CAMK1D: variants seen among roughly 807,000 people sequenced by gnomAD.
CAMK1D encodes the protein calcium/calmodulin-dependent protein kinase type 1D.
A neutral mutation model predicts 47.7 loss-of-function variants in CAMK1D; 9 were observed. The ratio of observed to expected loss-of-function variants is 0.19; its 90% CI spans 0.11 to 0.33. The LOEUF (loss-of-function observed/expected upper bound fraction) is 0.33. Ranked by LOEUF, CAMK1D falls within the 10% of genes least tolerant of loss-of-function variation. The pLI, the probability that CAMK1D is intolerant of heterozygous loss-of-function variation, is 1.00. For synonymous variants in CAMK1D, 184 were observed against 184.9 expected (o/e 0.99, Z 0.04); for missense variants, 291 against 488.7 (o/e 0.60, Z 3.81).
chr10:12,387,425 T>TAA (rs1484681849), intron 1 of CAMK1D, among the ~76,000 whole-genome samples: 1 of 67,170 alleles, frequency 1.5e-5, no homozygotes, highest in Non-Finnish European at 3.0e-5. Context: ...ATTTTATATA[T>TAA]TTTATATATT....
chr10:12,496,068 ATCC>A (rs1313088051), intron 1 of CAMK1D, among the ~76,000 whole-genome samples: 12 of 151,974 alleles, frequency 7.9e-5, no homozygotes, highest in Admixed American at 7.2e-4. Flanking sequence ...AGCTCAAGCA[ATCC>A]TCCTGCCTCG....
intron 2 of CAMK1D, among the ~76,000 whole-genome samples, chr10:12,625,417 C>G (rs1480222960): frequency 1.3e-5 from 2 of 150,322 alleles, no homozygotes; most frequent in East Asian, 2.0e-4. Context: ...TCACTGTAAC[C>G]TTGAACTCTT....
chr10:12,509,810 C>A (rs1448993769), intron 1 of CAMK1D, among the ~76,000 whole-genome samples: 1 of 152,130 alleles, frequency 6.6e-6, no homozygotes, highest in Admixed American at 6.5e-5. Context: ...AAAGTCCTGC[C>A]GTTCTACATA....
intron 1 of CAMK1D, among the ~76,000 whole-genome samples, chr10:12,469,097 G>C (rs1330099780): frequency 6.6e-6 from 1 of 152,092 alleles, no homozygotes; most frequent in African/African-American, 2.4e-5. Context: ...CCCGGATAAA[G>C]AGGAAATGGG....
intron 3 of CAMK1D, among the ~76,000 whole-genome samples, chr10:12,674,495 A>C (rs954226949): frequency 6.6e-6 from 1 of 151,544 alleles, no homozygotes; most frequent in Non-Finnish European, 1.5e-5. Flanking sequence ...TTGCTATTTC[A>C]ATTCTGAGTA....
At chr10:12,371,536 A>G (rs1241613627) in intron 1 of CAMK1D, among the ~76,000 whole-genome samples, 2 of 149,790 alleles carry the variant, frequency 1.3e-5, no homozygotes, top group Non-Finnish European at 3.0e-5. Context: ...AGATCGTGCC[A>G]CTGCACTCCA....
At chr10:12,480,832 C>T (rs1480579281) in intron 1 of CAMK1D, among the ~76,000 whole-genome samples, 1 of 152,118 alleles carries the variant, frequency 6.6e-6, no homozygotes, top group African/African-American at 2.4e-5. Context: ...CACATGGAAA[C>T]GTGTAGATAT....
chr10:12,806,257 A>G (rs1588950985), intron 6 of CAMK1D, among the ~76,000 whole-genome samples: 1 of 152,180 alleles, frequency 6.6e-6, no homozygotes, highest in Admixed American at 6.5e-5. Flanking sequence ...CTGACCCCCA[A>G]CTAGAATGTA....
chr10:12,814,036 G>A (rs747089330), intron 6 of CAMK1D, among the ~76,000 whole-genome samples, 159 bp from the exon 7 acceptor site: 9 of 150,690 alleles, frequency 6.0e-5, no homozygotes, highest in South Asian at 2.1e-4. Flanking sequence ...TGATCTGCCC[G>A]CCTTGGCCTC....
chr10:12,412,754 G>A (rs1377895268), intron 1 of CAMK1D, among the ~76,000 whole-genome samples: 1 of 149,780 alleles, frequency 6.7e-6, no homozygotes, highest in Non-Finnish European at 1.5e-5. Context: ...CCAGTCTTAA[G>A]TTGTAGCAGA....
At chr10:12,600,012 G>C (rs1487607118) in intron 2 of CAMK1D, among the ~76,000 whole-genome samples, 2 of 152,212 alleles carry the variant, frequency 1.3e-5, no homozygotes, top group African/African-American at 4.8e-5. Context: ...GGCTGGGGCA[G>C]GAGGATCACT....
At chr10:12,726,046 G>A (rs944396797) in intron 3 of CAMK1D, among the ~76,000 whole-genome samples, 3 of 151,674 alleles carry the variant, frequency 2.0e-5, no homozygotes, top group Admixed American at 6.6e-5. Context: ...CATGAGCCAC[G>A]TCACCCGGCC....
intron 2 of CAMK1D, chr10:12,578,613 C>G (rs183284708): frequency 2.0e-5 from 3 of 147,902 alleles, no homozygotes; most frequent in African/African-American, 7.6e-5. Context: ...TGTAGTCTCT[C>G]TAGTTTGCCC....
At position 12,480,545 on chromosome 10, in the gene CAMK1D, G is replaced by A. The variant is rs1834035250; in HGVS notation, c.93-72680G>A. Among the ~76,000 whole-genome samples the A allele has an allele frequency of 2.0e-5, 3 of 152,344 alleles. No homozygotes were observed. In the South Asian group the frequency reaches 6.2e-4, roughly 32 times the overall value. ...AGCAATCCCTTTGATAGCACTTGCTGTGTGTCCGTTAGGGTCTAACCACTT... is the reference window on the plus strand; with the variant it reads ...AGCAATCCCTTTGATAGCACTTGCTATGTGTCCGTTAGGGTCTAACCACTT... On this transcript the variant is annotated intron_variant, in intron 1 of 10. Transcript: ENST00000619168.
At chr10:12,494,275 G>A (rs541417910) in intron 1 of CAMK1D, among the ~76,000 whole-genome samples, 1 of 152,144 alleles carries the variant, frequency 6.6e-6, no homozygotes, top group Non-Finnish European at 1.5e-5. Context: ...ATCTGTGGTG[G>A]ATTATCTATG....
chr10:12,364,238 T>G (rs1837767605), intron 1 of CAMK1D, among the ~76,000 whole-genome samples: 1 of 4,562 alleles, frequency 2.2e-4, no homozygotes, highest in Non-Finnish European at 5.3e-4. Flanking sequence ...GCGCATTCTC[T>G]TTTTTTTTTT....
At chr10:12,586,077 G>A (rs1046892144) in intron 2 of CAMK1D, among the ~76,000 whole-genome samples, 2 of 152,248 alleles carry the variant, frequency 1.3e-5, no homozygotes, top group Admixed American at 6.5e-5. Flanking sequence ...GAGCCCTTCC[G>A]AGCATAGGTA....
chr10:12,736,026 G>C (rs1188602559), intron 3 of CAMK1D, among the ~76,000 whole-genome samples: 2 of 152,224 alleles, frequency 1.3e-5, no homozygotes, highest in African/African-American at 4.8e-5. Context: ...GCAAGGCCTT[G>C]CTGGCAGAGG....
At chr10:12,818,374 A>G (rs2493750) in intron 8 of CAMK1D, among the ~76,000 whole-genome samples, 57,407 of 152,138 alleles carry the variant, frequency 0.38, 11,425 homozygotes, top group African/African-American at 0.47. Context: ...TTCAGAGATA[A>G]AGAAATAGAG....
Sources: allele counts gnomAD v4.1 joint callset (sites outside exome capture counted in the v4.1 genomes callset), GRCh38; gene constraint gnomAD v4.1.1; transcripts MANE v1.5; gene names NCBI Gene and HGNC (gene_info 2026-07-23, HGNC 2026-07-21).